The following KLHL13 variants were observed in gnomAD, a reference collection of about 807,000 sequenced individuals.
The protein encoded by KLHL13 is kelch-like protein 13.
KLHL13 carries 10 observed loss-of-function variants against 37.1 expected under a neutral mutation model. That is an observed-to-expected ratio of 0.27 (90% confidence interval 0.17 to 0.46). The LOEUF is 0.46. Ranked by LOEUF, KLHL13 falls within the 20% of genes least tolerant of loss-of-function variation. The pLI is 1.00. For synonymous variants in KLHL13, 163 were observed against 181.2 expected (o/e 0.90, Z 0.81); for missense variants, 360 against 509.3 (o/e 0.71, Z 2.82).
intron 1 of KLHL13, among the ~76,000 whole-genome samples, chrX:117,988,799 C>A (rs895504997): frequency 9.0e-6 from 1 of 111,608 alleles, no homozygotes; most frequent in African/African-American, 3.2e-5. Context: ...TTGTGTCCTA[C>A]CACCATATGG....
chrX:118,055,344 T>C (rs1196630823), intron 1 of KLHL13, among the ~76,000 whole-genome samples: 2 of 112,180 alleles, frequency 1.8e-5, no homozygotes, highest in Admixed American at 9.5e-5. Context: ...ACTAAGGCTG[T>C]TGATTTGCAC....
rs184276777 is a variant in KLHL13 at position 117,932,880 on chromosome X, A to G, written c.241-12510T>C. ...CCACATCATCACCAGAATTTGTTATATTTTGCCTTTTTTATAATAACCATT... is the reference window on the plus strand; with the variant it reads ...CCACATCATCACCAGAATTTGTTATGTTTTGCCTTTTTTATAATAACCATT... On this transcript the variant is annotated intron_variant, in intron 2 of 6. Transcript: ENST00000262820. Among the ~76,000 whole-genome samples, 567 of 111,073 alleles carry G rather than the reference A, an allele frequency of 5.1e-3. 1 individual carries two copies. Among genetic ancestry groups the G allele is most frequent in the Middle Eastern group, 9.4e-3 (2 of 213 alleles).
chrX:117,938,745 T>C (rs1932893354), intron 2 of KLHL13, among the ~76,000 whole-genome samples: 1 of 110,840 alleles, frequency 9.0e-6, no homozygotes, highest in Non-Finnish European at 1.9e-5. Context: ...GAGAGCACTT[T>C]AGTATACCAA....
chrX:118,071,597 G>T (rs1226766909), intron 1 of KLHL13, among the ~76,000 whole-genome samples: 1 of 111,058 alleles, frequency 9.0e-6, no homozygotes, highest in African/African-American at 3.3e-5. Flanking sequence ...CTCAGCCCAA[G>T]ATCTCCTTAA....
At chrX:118,054,763 G>A (rs1228350353) in intron 1 of KLHL13, among the ~76,000 whole-genome samples, 3 of 111,314 alleles carry the variant, frequency 2.7e-5, no homozygotes, top group Non-Finnish European at 5.7e-5. Flanking sequence ...GCCTCCTTAG[G>A]AGTTTATCAT....
At chrX:118,116,933 G>C (rs1455001796), upstream of KLHL13, 1 of 106,676 alleles carries the variant, frequency 9.4e-6, no homozygotes, top group African/African-American at 3.4e-5. Flanking sequence ...CTGCGCGGGA[G>C]GCAGGGTGGC....
At chrX:117,965,151 A>G (rs2147875424) in intron 1 of KLHL13, among the ~76,000 whole-genome samples, 1 of 111,846 alleles carries the variant, frequency 8.9e-6, no homozygotes, top group East Asian at 2.8e-4. Context: ...TAGATCCCTG[A>G]GGAATGGCCA....
At chrX:118,066,744 A>G (rs949545192) in intron 1 of KLHL13, among the ~76,000 whole-genome samples, 2 of 111,876 alleles carry the variant, frequency 1.8e-5, no homozygotes, top group East Asian at 5.6e-4. Flanking sequence ...ACATCTGATG[A>G]AAGATTTACA....
intron 1 of KLHL13, among the ~76,000 whole-genome samples, chrX:118,032,466 C>T (rs1458232445): frequency 8.9e-6 from 1 of 111,895 alleles, no homozygotes; most frequent in East Asian, 2.8e-4. Context: ...GGGAGGCACC[C>T]CCCAGCAGGG....
intron 1 of KLHL13, among the ~76,000 whole-genome samples, chrX:118,015,143 A>G (rs1406739595): frequency 1.8e-5 from 2 of 111,604 alleles, no homozygotes; most frequent in African/African-American, 6.5e-5. Context: ...GCTAGTAAGT[A>G]GCAGAGTTTG....
At chrX:118,056,987 C>A (rs761919238) in intron 1 of KLHL13, among the ~76,000 whole-genome samples, 12 of 112,186 alleles carry the variant, frequency 1.1e-4, no homozygotes, top group Admixed American at 1.0e-3. Context: ...ATTCCCCTGT[C>A]AAAACCACAC....
At chrX:118,069,103 G>GA (rs1231312181) in intron 1 of KLHL13, among the ~76,000 whole-genome samples, 2 of 80,885 alleles carry the variant, frequency 2.5e-5, no homozygotes, top group Non-Finnish European at 4.3e-5. Flanking sequence ...GGGCCATCCA[G>GA]AAGAGTCACA....
intron 4 of KLHL13, 45 bp from the exon 6 acceptor site, chrX:117,910,141 G>T: frequency 2.1e-6 from 2 of 942,965 alleles, no homozygotes; most frequent in Non-Finnish European, 2.9e-6. Flanking sequence ...TACTTTCATG[G>T]CAATCACATC....
intron 1 of KLHL13, among the ~76,000 whole-genome samples, chrX:118,102,307 T>C (rs747705600): frequency 8.9e-6 from 1 of 112,236 alleles, no homozygotes; most frequent in East Asian, 2.8e-4. Flanking sequence ...TCCCGGCTCA[T>C]ATAGTAATAA....
In KLHL13 at chrX:118,031,671, T is replaced by C. The variant is rs765118968; in HGVS notation, c.-56+84837A>G. 6.1e-3 allele frequency among the ~76,000 whole-genome samples: 616 copies of C among 101,463 alleles called. 4 individuals are homozygous for C. Among genetic ancestry groups the C allele is most frequent in the Middle Eastern group, 9.9e-3 (2 of 203 alleles). 88.1% of individuals were successfully genotyped at this position (101,463 alleles called of 115,157 possible). ...TATATATTTAGTTATATATAATATA[T>C]ATAACTAAAATTTTTAGCCAGATCA... On this transcript the variant is annotated intron_variant, in intron 1 of 6. Transcript: ENST00000371882.
At chrX:118,108,814 A>AT (rs930388549) in intron 1 of KLHL13, among the ~76,000 whole-genome samples, 94 of 107,889 alleles carry the variant, frequency 8.7e-4, no homozygotes, top group Middle Eastern at 9.3e-3. Flanking sequence ...ATTTTTTTAG[A>AT]TTTTTTTTTT....
intron 1 of KLHL13, among the ~76,000 whole-genome samples, chrX:118,090,976 T>A (rs2055126487): frequency 9.3e-6 from 1 of 107,110 alleles, no homozygotes; most frequent in Non-Finnish European, 1.9e-5. Flanking sequence ...ATGTCCTTTG[T>A]AGGGACATGG....
chrX:117,930,290 A>AAGGCAGGCAGGC (rs1166028829), intron 2 of KLHL13, among the ~76,000 whole-genome samples: 112 of 77,956 alleles, frequency 1.4e-3, no homozygotes, highest in Non-Finnish European at 1.8e-3. Flanking sequence ...GGAAGGAAGG[A>AAGGCAGGCAGGC]AGGCAGGCAG....
chrX:117,978,780 C>A (rs1187400425), intron 1 of KLHL13, among the ~76,000 whole-genome samples: 1 of 97,014 alleles, frequency 1.0e-5, no homozygotes, highest in Non-Finnish European at 2.0e-5. Context: ...TATCTATACT[C>A]TTTATGGCTT....
Sources: gnomAD v4.1 joint callset for allele counts (sites outside exome capture counted in the v4.1 genomes callset) on GRCh38, gnomAD v4.1.1 for gene constraint, MANE v1.5 for transcripts, NCBI Gene and HGNC (gene_info 2026-07-23, HGNC 2026-07-21) for gene names.